The following WRN variants were observed in gnomAD, a reference collection of about 807,000 sequenced individuals.
WRN encodes the protein WRN RecQ like helicase.
Under a neutral mutation model 180.7 loss-of-function variants are expected in WRN, and 149 were observed. The observed-to-expected ratio is 0.82, with a 90% CI of 0.72 to 0.94. The LOEUF (loss-of-function observed/expected upper bound fraction) is 0.94. Among genes scored for constraint, WRN ranks in the 40% least tolerant of loss-of-function variants. The pLI is 0.00. For missense variants in WRN, 1,661 were observed against 1,700.1 expected (o/e 0.98, Z 0.40); for synonymous variants, 548 against 568.9 (o/e 0.96, Z 0.52).
intron 21 of WRN, among the ~76,000 whole-genome samples, chr8:31,121,707 A>C (rs1311775740): frequency 7.6e-6 from 1 of 131,676 alleles, no homozygotes. Context: ...TGATAGTTCA[A>C]ATCTGAAAGA....
chr8:31,116,360 C>T lies in WRN; in HGVS notation c.2280C>T (p.His760=), dbSNP rs1428675775. The T allele has an allele frequency of 2.5e-6, 4 of 1,613,676 alleles. No homozygotes were observed. The Admixed American group carries it at 6.7e-5, about 27-fold the overall frequency. ...LQPFLVKTSS[H]WEFEGPTIIY... ...TGTTCTTCTTTTTCTTTAGTTCCCA[C>T]TGGGAATTTGAAGGTCCAACAATCA... Residue 760 remains histidine, a synonymous_variant, in exon 20 of 35, where the codon CAC becomes CAT. Transcript: ENST00000298139.
rs943081688 is a variant in WRN at position 31,088,835 on chromosome 8, C to T, written c.1577-55C>T. On this transcript the variant is annotated intron_variant, in intron 12 of 34. Transcript: ENST00000298139. ...GCCAATGAAATAAACTGTTTTCTCC[C>T]TCTATGTGGTGTTTTTCTACTTGAA... The T allele has an allele frequency of 6.3e-6, 9 of 1,420,684 alleles. No individual in the cohort carries two copies. The African/African-American group carries it at 1.1e-4, about 18-fold the overall frequency. The allele number at this position is 1,420,684 out of a possible 1,614,324, so 88.0% of individuals were successfully genotyped here. A position where few individuals can be genotyped will look rare whatever the true frequency, so the allele number is the denominator to read the frequency against.
chr8:31,078,045 G>T (rs1813163367), intron 8 of WRN, among the ~76,000 whole-genome samples: 1 of 152,140 alleles, frequency 6.6e-6, no homozygotes, highest in South Asian at 2.1e-4. Context: ...GTTACAATAG[G>T]CAGTTTCAGC....
intron 17 of WRN, among the ~76,000 whole-genome samples, chr8:31,098,451 T>TG (rs1463899278): frequency 6.6e-6 from 1 of 152,202 alleles, no homozygotes; most frequent in East Asian, 1.9e-4. Flanking sequence ...TTTTTTGTAA[T>TG]GGATGAGTTA....
intron 18 of WRN, among the ~76,000 whole-genome samples, chr8:31,103,874 A>G (rs1333580866): frequency 6.6e-6 from 1 of 151,846 alleles, no homozygotes; most frequent in East Asian, 1.9e-4. Context: ...AGCTGAGACT[A>G]CAGGCGCCCG....
chr8:31,063,164 T>C (rs529639909), intron 3 of WRN, among the ~76,000 whole-genome samples: 1 of 152,314 alleles, frequency 6.6e-6, no homozygotes, highest in South Asian at 2.1e-4. Context: ...TACTTAATAA[T>C]TTTATGTCTG....
intron 18 of WRN, 116 bp from the exon 19 acceptor site, chr8:31,111,498 GT>G: frequency 7.9e-7 from 1 of 1,265,756 alleles, no homozygotes; most frequent in Non-Finnish European, 1.1e-6. Flanking sequence ...TTACAGTTGT[GT>G]CTTTAACATT....
In WRN at chr8:31,132,400, A is replaced by G. The variant is rs745491066; in HGVS notation, c.2861A>G (p.Asp954Gly). ...TGCTATTCCATGGATGACTCAGAGG[A>G]TACATCCTGGGACTTTGGTCCACAA... Reference protein sequence around the residue: ...DHCYSMDDSEDTSWDFGPQAF... With the variant: ...DHCYSMDDSEGTSWDFGPQAF... Residue 954 changes from aspartate (D) to glycine (G), a missense_variant, in exon 24 of 35, where the codon GAT becomes GGT. This residue lies in a region of WRN where 1,141 missense variants were observed against 1,149.4 expected (regional missense o/e 0.99). Coordinates refer to ENST00000298139, the MANE Select transcript of WRN (RefSeq NM_000553.6). 1 of 1,614,106 alleles carries G rather than the reference A, an allele frequency of 6.2e-7. No individual in the cohort carries two copies. The highest frequency in any genetic ancestry group is 1.3e-5 in the African/African-American group (1 of 75,030).
At chr8:31,144,480 C>T (rs575189575) in intron 28 of WRN, among the ~76,000 whole-genome samples, 2 of 151,940 alleles carry the variant, frequency 1.3e-5, no homozygotes, top group East Asian at 1.9e-4. Flanking sequence ...GGACTACAGG[C>T]GCCCCCCGAT....
intron 5 of WRN, among the ~76,000 whole-genome samples, chr8:31,065,505 C>G (rs1281200096): frequency 6.6e-6 from 1 of 152,060 alleles, no homozygotes; most frequent in Non-Finnish European, 1.5e-5. Context: ...TCTGTTCCTG[C>G]GTTAGTTTGC....
At chr8:31,103,236 A>G (rs554835089) in intron 18 of WRN, among the ~76,000 whole-genome samples, 1 of 152,334 alleles carries the variant, frequency 6.6e-6, no homozygotes, top group South Asian at 2.1e-4. Flanking sequence ...GTTAACTTTA[A>G]AAAATGAATA....
intron 24 of WRN, among the ~76,000 whole-genome samples, chr8:31,133,166 C>T (rs1802253017): frequency 6.6e-6 from 1 of 152,088 alleles, no homozygotes; most frequent in African/African-American, 2.4e-5. Flanking sequence ...GTAGTCCTTT[C>T]CTTTATATGA....
intron 7 of WRN, among the ~76,000 whole-genome samples, chr8:31,072,558 C>T (rs556444769): frequency 1.3e-5 from 2 of 152,160 alleles, no homozygotes; most frequent in Admixed American, 6.5e-5. Context: ...GGCTCAGACT[C>T]GTGGCCTCAA....
rs764937166 is a variant in WRN, at chr8:31,114,893, G to GATTTT, written c.2274-1461_2274-1460insATTTT. Among the ~76,000 whole-genome samples the GATTTT allele has an allele frequency of 3.7e-5, 5 of 136,188 alleles. 1 individual carries two copies. Among genetic ancestry groups the GATTTT allele is most frequent in the Non-Finnish European group, 7.9e-5 (5 of 63,458 alleles). 89.3% of individuals were successfully genotyped at this position (136,188 alleles called of 152,430 possible). ...CTTTGAAAACATGTTTTTAAAATAA[G>GATTTT]GTTTTTTTTTTTTTTTTTTTGACAT... On this transcript the variant is annotated intron_variant, in intron 19 of 34. Transcript: ENST00000298139.
At chr8:31,036,667 C>G (rs533754904) in intron 1 of WRN, among the ~76,000 whole-genome samples, 1 of 152,214 alleles carries the variant, frequency 6.6e-6, no homozygotes, top group South Asian at 2.1e-4. Context: ...AATGTCTATT[C>G]AGGTCTTTTG....
Position 31,064,346 on chromosome 8 carries a change from C to T in WRN, c.267C>T (p.Tyr89=). 2 of 1,614,072 alleles carry T rather than the reference C, an allele frequency of 1.2e-6. No individual in the cohort carries two copies. The highest frequency in any genetic ancestry group is 1.7e-6 in the Non-Finnish European group (2 of 1,179,992). ...VGFDMEWPPL[Y]NRGKLGKVAL... ...TTGACATGGAGTGGCCACCATTATACAATAGAGGGAAACTTGGCAAAGTTG... is the reference window on the plus strand; with the variant it reads ...TTGACATGGAGTGGCCACCATTATATAATAGAGGGAAACTTGGCAAAGTTG... Residue 89 remains tyrosine, a synonymous_variant, in exon 4 of 35, where the codon TAC becomes TAT. Transcript: ENST00000298139.
At chr8:31,050,779 G>C (rs1812051112) in intron 1 of WRN, among the ~76,000 whole-genome samples, 2 of 152,062 alleles carry the variant, frequency 1.3e-5, no homozygotes, top group Non-Finnish European at 2.9e-5. Flanking sequence ...GTGAGAAATT[G>C]AAATTATTAC....
chr8:31,140,576 C>G (rs1227858284), intron 24 of WRN, among the ~76,000 whole-genome samples: 1 of 150,750 alleles, frequency 6.6e-6, no homozygotes, highest in Non-Finnish European at 1.5e-5. Flanking sequence ...AGCTGTTTAG[C>G]ATGCACCTGC....
intron 18 of WRN, 56 bp downstream of exon 18, chr8:31,101,011 C>A: frequency 1.4e-6 from 2 of 1,447,584 alleles, no homozygotes; most frequent in Non-Finnish European, 1.9e-6. Flanking sequence ...GGAGAGCATT[C>A]AGGATTGGGG....
Sources: allele counts gnomAD v4.1 joint callset (sites outside exome capture counted in the v4.1 genomes callset), GRCh38; gene constraint gnomAD v4.1.1; regional missense constraint gnomAD v4.1.1; transcripts MANE v1.5; gene names NCBI Gene and HGNC (gene_info 2026-07-23, HGNC 2026-07-21).